The following LRP5 variants were observed in gnomAD, a reference collection of about 807,000 sequenced individuals.
LRP5 encodes LDL receptor related protein 5.
A neutral mutation model predicts 154.1 loss-of-function variants in LRP5; 62 were observed. That is an observed-to-expected ratio of 0.40 (90% confidence interval 0.33 to 0.50). The LOEUF is 0.50. Ranked by LOEUF, LRP5 falls within the 20% of genes least tolerant of loss-of-function variation. LRP5 has a pLI of 0.55. For synonymous variants in LRP5, 966 were observed against 1,011.5 expected (o/e 0.96, Z 0.85); for missense variants, 1,915 against 2,336.7 (o/e 0.82, Z 3.72).
intron 10 of LRP5, among the ~76,000 whole-genome samples, chr11:68,411,104 G>A (rs1040081382): frequency 2.6e-5 from 4 of 152,124 alleles, no homozygotes; most frequent in African/African-American, 7.2e-5. Flanking sequence ...GGTTTCTGCC[G>A]TGTCCCCAAC....
intron 15 of LRP5, 68 bp downstream of exon 15, chr11:68,425,360 CCA>C: frequency 6.7e-7 from 1 of 1,498,930 alleles, no homozygotes; most frequent in Non-Finnish European, 9.0e-7. Context: ...GCAGCAGCTG[CCA>C]CATTGTCCGA....
intron 1 of LRP5, among the ~76,000 whole-genome samples, chr11:68,344,662 G>C (rs1358822405): frequency 6.6e-6 from 1 of 151,792 alleles, no homozygotes; most frequent in Admixed American, 6.6e-5. Flanking sequence ...GCCTTAAGCA[G>C]GTCCCCAGTC....
chr11:68,369,340 T>C (rs1176206150), intron 5 of LRP5, among the ~76,000 whole-genome samples: 1 of 152,168 alleles, frequency 6.6e-6, no homozygotes, highest in African/African-American at 2.4e-5. Flanking sequence ...ATTGGTGATG[T>C]CTGCCTAAAC....
chr11:68,364,654 C>T (rs1225677407), intron 4 of LRP5, among the ~76,000 whole-genome samples: 1 of 150,604 alleles, frequency 6.6e-6, no homozygotes, highest in Admixed American at 6.6e-5. Context: ...GGCTGCGGCT[C>T]TGGGGACAGT....
chr11:68,306,150 T>C, the LRP5 span, among the ~76,000 whole-genome samples: 2 of 152,168 alleles, frequency 1.3e-5, no homozygotes, highest in East Asian at 3.8e-4. Flanking sequence ...TCTTTTCTTT[T>C]ATGAGACAGA....
intron 5 of LRP5, among the ~76,000 whole-genome samples, chr11:68,380,411 C>T (rs1487671032): frequency 2.0e-5 from 3 of 152,196 alleles, no homozygotes; most frequent in Non-Finnish European, 4.4e-5. Context: ...GGGAAGGAGA[C>T]CGTGCAGGCC....
intron 2 of LRP5, among the ~76,000 whole-genome samples, chr11:68,354,207 G>A (rs1011883174): frequency 2.0e-5 from 3 of 152,182 alleles, no homozygotes; most frequent in Non-Finnish European, 4.4e-5. Flanking sequence ...TCTTTTCTTC[G>A]GAAGTCGATT....
At chr11:68,303,601 C>T in the LRP5 span, among the ~76,000 whole-genome samples, 1 of 152,184 alleles carries the variant, frequency 6.6e-6, no homozygotes, top group Non-Finnish European at 1.5e-5. Context: ...TCAAGTAATT[C>T]TCCTGCCTCA....
rs1281302581 is a variant in LRP5, at chr11:68,443,570, TATATATA to T, written c.4489-2865_4489-2859del. Among the ~76,000 whole-genome samples, 51 of 39,952 alleles carry T rather than the reference TATATATA, an allele frequency of 1.3e-3. 1 individual carries two copies. Among genetic ancestry groups the T allele is most frequent in the African/African-American group, 4.5e-3 (37 of 8,242 alleles). 26.2% of individuals were successfully genotyped at this position (39,952 alleles called of 152,430 possible). Reference sequence around the variant, plus strand: ...ATATATATATATATATATATATATATATATATATATATATATTTTTTTTTTTTTTGGT... The same window carrying T: ...ATATATATATATATATATATATATATTATATATATTTTTTTTTTTTTTGGT... On this transcript the variant is annotated intron_variant, in intron 21 of 22. Coordinates refer to ENST00000294304, the MANE Select transcript of LRP5 (RefSeq NM_002335.4).
chr11:68,407,224 C>T (rs762832498), intron 9 of LRP5, among the ~76,000 whole-genome samples: 1 of 151,134 alleles, frequency 6.6e-6, no homozygotes, highest in Non-Finnish European at 1.5e-5. Flanking sequence ...GCTGGAGTAC[C>T]GTAGCGTGAG....
chr11:68,335,257 A>G (rs1215424172), intron 1 of LRP5, among the ~76,000 whole-genome samples: 2 of 151,830 alleles, frequency 1.3e-5, no homozygotes, highest in African/African-American at 4.8e-5. Context: ...AAAAAAATAT[A>G]CAGATGAGGT....
chr11:68,400,127 C>T (rs930606803), intron 7 of LRP5, among the ~76,000 whole-genome samples: 6 of 152,134 alleles, frequency 3.9e-5, no homozygotes, highest in Non-Finnish European at 7.3e-5. Flanking sequence ...GCGTCTTGCG[C>T]TTGCCGAGGC....
intron 13 of LRP5, among the ~76,000 whole-genome samples, chr11:68,417,449 CTTTTTTTTTTTTTTT>C (rs1161126346): frequency 9.6e-5 from 4 of 41,598 alleles, no homozygotes; most frequent in Non-Finnish European, 1.2e-4. Context: ...AACAGATTGG[CTTTTTTTTTTTTTTT>C]TTTTTTTTTT....
At chr11:68,409,029 G>A (rs1309084592) in intron 9 of LRP5, among the ~76,000 whole-genome samples, 7 of 119,696 alleles carry the variant, frequency 5.8e-5, no homozygotes, top group East Asian at 2.3e-4. Context: ...CAACCTGAGC[G>A]ACAGAGCAAG....
At chr11:68,345,351 A>C (rs564116630) in intron 1 of LRP5, among the ~76,000 whole-genome samples, 2 of 152,028 alleles carry the variant, frequency 1.3e-5, no homozygotes, top group East Asian at 3.9e-4. Context: ...GCAGTGGCGC[A>C]ATCTTGGCTC....
chr11:68,406,096 C>G (rs1464811280), intron 8 of LRP5, among the ~76,000 whole-genome samples: 1 of 152,236 alleles, frequency 6.6e-6, no homozygotes, highest in Admixed American at 6.5e-5. Context: ...GCTCCTACCT[C>G]CAAGGTGAAT....
intron 7 of LRP5, among the ~76,000 whole-genome samples, chr11:68,391,915 C>T (rs1042512721): frequency 3.9e-5 from 6 of 152,216 alleles, no homozygotes; most frequent in South Asian, 2.1e-4. Context: ...AATCACGGCT[C>T]GCTGTAGCCT....
intron 7 of LRP5, among the ~76,000 whole-genome samples, chr11:68,394,013 G>T (rs1391617269): frequency 3.9e-5 from 6 of 152,076 alleles, no homozygotes; most frequent in Non-Finnish European, 8.8e-5. Context: ...CAGCGAGCAG[G>T]GGGTCTCTGA....
intron 16 of LRP5, among the ~76,000 whole-genome samples, chr11:68,429,011 G>A: frequency 7.0e-6 from 1 of 142,510 alleles, no homozygotes; most frequent in Non-Finnish European, 1.5e-5. Flanking sequence ...GCAGGAGAAT[G>A]GCATGAACCC....
Sources: allele counts gnomAD v4.1 joint callset (sites outside exome capture counted in the v4.1 genomes callset), GRCh38; gene constraint gnomAD v4.1.1; transcripts MANE v1.5; gene names NCBI Gene and HGNC (gene_info 2026-07-23, HGNC 2026-07-21).